The following TCERG1L variants were observed in gnomAD, a reference collection of about 807,000 sequenced individuals.
TCERG1L encodes the protein transcription elongation regulator 1 like, also known as transcription elongation regulator 1-like protein.
TCERG1L carries 37 observed loss-of-function variants against 56.3 expected under a neutral mutation model. The ratio of observed to expected loss-of-function variants is 0.66; its 90% confidence interval spans 0.51 to 0.87. The LOEUF (loss-of-function observed/expected upper bound fraction) is 0.87, where lower values mean the gene tolerates loss of function less well. TCERG1L is among the 40% of genes least tolerant of loss of function. TCERG1L has a pLI of 0.00. For missense variants in TCERG1L, 799 were observed against 774.2 expected, an observed-to-expected ratio of 1.03 and a Z score of -0.38; for synonymous variants, 324 against 326.3, an observed-to-expected ratio of 0.99 and a Z score of 0.08.
intron 9 of TCERG1L, among the ~76,000 whole-genome samples, chr10:131,105,716 G>T (rs113307010): frequency 8.6e-5 from 13 of 151,864 alleles, no homozygotes; most frequent in African/African-American, 2.7e-4. Flanking sequence ...GTTCCGGAGG[G>T]GGGTGGGAAT....
At chr10:131,286,449 C>T (rs967622162) in intron 3 of TCERG1L, among the ~76,000 whole-genome samples, 21 of 152,168 alleles carry the variant, frequency 1.4e-4, no homozygotes, top group African/African-American at 5.1e-4. Context: ...TAAGGTAATG[C>T]ACCCGCATAC....
intron 4 of TCERG1L, among the ~76,000 whole-genome samples, chr10:131,190,057 T>C (rs79293894): frequency 0.044 from 6,644 of 151,554 alleles, 161 homozygotes; most frequent in Middle Eastern, 0.065. Context: ...AGAGAGAAGA[T>C]CCAAATAAGT....
chr10:131,208,345 G>C (rs1462896894), intron 4 of TCERG1L, among the ~76,000 whole-genome samples: 1 of 152,158 alleles, frequency 6.6e-6, no homozygotes, highest in African/African-American at 2.4e-5. Context: ...CTCAGAGGGG[G>C]CCTGTGAGCC....
intron 4 of TCERG1L, among the ~76,000 whole-genome samples, chr10:131,202,589 A>C: frequency 6.6e-6 from 1 of 152,186 alleles, no homozygotes; most frequent in East Asian, 1.9e-4. Context: ...TCCAAAAAAA[A>C]ATAAAAATAA....
rs71009957 is a variant in TCERG1L at position 131,291,401 on chromosome 10, C to CTTTTT, written c.670+16805_670+16809dup. On this transcript the variant is annotated intron_variant, in intron 3 of 11. Coordinates refer to ENST00000368642, the MANE Select transcript of TCERG1L (RefSeq NM_174937.4). ...TGTGTATATTCCATAAACAGCATTTCTTTTTTTTTTTTTTTTTTTTTTTTT... is the reference window on the plus strand; with the variant it reads ...TGTGTATATTCCATAAACAGCATTTCTTTTTTTTTTTTTTTTTTTTTTTTTTTTTT... 7.1e-3 allele frequency among the ~76,000 whole-genome samples: 260 copies of CTTTTT among 36,586 alleles called. 88 individuals are homozygous for CTTTTT. Among genetic ancestry groups the CTTTTT allele is most frequent in the African/African-American group, 9.0e-3 (90 of 10,020 alleles). 24.0% of individuals were successfully genotyped at this position (36,586 alleles called of 152,430 possible).
In TCERG1L at chr10:131,260,583, G is replaced by A; in HGVS notation, c.671-139C>T. On this transcript the variant is annotated intron_variant, in intron 3 of 11. Transcript: ENST00000368642. This position sits in a 1 kb window ranked among gnomAD's most constrained non-coding sequence, Gnocchi z 5.8. Reference sequence around the variant, plus strand: ...TACCCCTCTTTAATGGAGGCCCACAGTATGTGCCACCGTCCGCAGAACAAA... The same window carrying A: ...TACCCCTCTTTAATGGAGGCCCACAATATGTGCCACCGTCCGCAGAACAAA... 9.2e-7 allele frequency: 1 copy of A among 1,086,924 alleles called. No homozygotes were observed. The allele number at this position is 1,086,924 out of a possible 1,614,324, so 67.3% of individuals were successfully genotyped here. A position where few individuals can be genotyped will look rare whatever the true frequency, so the allele number is the denominator to read the frequency against.
intron 4 of TCERG1L, among the ~76,000 whole-genome samples, chr10:131,180,202 G>A (rs1162863857): frequency 6.6e-6 from 1 of 152,210 alleles, no homozygotes; most frequent in Non-Finnish European, 1.5e-5. Flanking sequence ...GAATCTATAT[G>A]ATACGGGAAT....
At chr10:131,194,069 G>A (rs1026317841) in intron 4 of TCERG1L, among the ~76,000 whole-genome samples, 6 of 152,052 alleles carry the variant, frequency 3.9e-5, no homozygotes, top group African/African-American at 1.4e-4. Context: ...CCAACCCCCA[G>A]CGGCGTGCCT....
intron 3 of TCERG1L, among the ~76,000 whole-genome samples, chr10:131,299,365 T>C (rs1846733785): frequency 6.6e-6 from 1 of 152,168 alleles, no homozygotes; most frequent in Non-Finnish European, 1.5e-5. Context: ...TTTGATCCTT[T>C]GCTTTCTTGT....
At chr10:131,097,732 T>C (rs1240637981) in intron 11 of TCERG1L, among the ~76,000 whole-genome samples, 6 of 152,216 alleles carry the variant, frequency 3.9e-5, no homozygotes, top group Non-Finnish European at 1.5e-5. Flanking sequence ...ATTTCTAACA[T>C]CTATTTTCTT....
intron 3 of TCERG1L, among the ~76,000 whole-genome samples, chr10:131,289,321 T>C (rs1166466406): frequency 3.8e-5 from 5 of 130,694 alleles, no homozygotes; most frequent in Non-Finnish European, 6.6e-5. Flanking sequence ...CATATACTTA[T>C]GGCATGTTTC....
At chr10:131,228,029 C>G (rs538381783) in intron 4 of TCERG1L, among the ~76,000 whole-genome samples, 10 of 151,978 alleles carry the variant, frequency 6.6e-5, no homozygotes, top group East Asian at 5.8e-4. Flanking sequence ...GCCCAGCCCC[C>G]CTCTCCGTGC....
chr10:131,204,601 G>C (rs1045099179), intron 4 of TCERG1L, among the ~76,000 whole-genome samples: 1 of 152,242 alleles, frequency 6.6e-6, no homozygotes, highest in Non-Finnish European at 1.5e-5. Flanking sequence ...AGTGGGGCAC[G>C]GAGCCAGCTC....
intron 9 of TCERG1L, 34 bp downstream of exon 9, chr10:131,116,765 G>T: frequency 1.3e-6 from 2 of 1,544,972 alleles, no homozygotes; most frequent in Middle Eastern, 3.4e-4. Flanking sequence ...CGGGTCTGCC[G>T]TAGGAGTGCA....
At chr10:131,109,972 C>T (rs550594572) in intron 9 of TCERG1L, among the ~76,000 whole-genome samples, 2 of 152,240 alleles carry the variant, frequency 1.3e-5, no homozygotes, top group African/African-American at 4.8e-5. Flanking sequence ...CCAAGCATCA[C>T]TCTGCAGATA....
chr10:131,257,526 C>T (rs566804873), intron 4 of TCERG1L, among the ~76,000 whole-genome samples: 1 of 152,344 alleles, frequency 6.6e-6, no homozygotes, highest in African/African-American at 2.4e-5. Flanking sequence ...GCCACATTAA[C>T]TCTCCCAGAT....
chr10:131,255,067 G>C (rs915418232), intron 4 of TCERG1L, among the ~76,000 whole-genome samples: 1 of 152,200 alleles, frequency 6.6e-6, no homozygotes, highest in Admixed American at 6.5e-5. Context: ...GATCTGTGCA[G>C]AGATGCCCCG....
At chr10:131,235,136 G>A (rs1020667069) in intron 4 of TCERG1L, among the ~76,000 whole-genome samples, 2 of 152,216 alleles carry the variant, frequency 1.3e-5, no homozygotes, top group Non-Finnish European at 2.9e-5. Context: ...TCACTCAGAT[G>A]GCGCCCAAGG....
intron 3 of TCERG1L, among the ~76,000 whole-genome samples, chr10:131,279,634 A>C (rs1846430855): frequency 6.6e-6 from 1 of 152,220 alleles, no homozygotes; most frequent in Non-Finnish European, 1.5e-5. Flanking sequence ...ATCCAGAAAA[A>C]CAAAGGAGAG....
Sources: gnomAD v4.1 joint callset for allele counts (sites outside exome capture counted in the v4.1 genomes callset) on GRCh38, gnomAD v4.1.1 for gene constraint, Gnocchi (gnomAD v3.1) non-coding constraint, MANE v1.5 for transcripts, NCBI Gene and HGNC (gene_info 2026-07-23, HGNC 2026-07-21) for gene names.